Variants in THNSL1 observed in about 807,000 individuals in gnomAD.
THNSL1 encodes threonine synthase like 1, also known as threonine synthase-like 1.
A neutral mutation model predicts 50.4 loss-of-function variants in THNSL1; 48 were observed. The observed-to-expected ratio is 0.95, with a 90% CI of 0.76 to 1.21. The LOEUF (loss-of-function observed/expected upper bound fraction) is 1.21. THNSL1 is among the 50% of genes most tolerant of loss of function. THNSL1 has a pLI of 0.00. For synonymous variants in THNSL1, 309 were observed against 306.1 expected (o/e 1.01, Z -0.10); for missense variants, 896 against 871.7 (o/e 1.03, Z -0.35).
At chr10:24,953,404 G>A in the THNSL1 span, 1 of 152,678 alleles carries the variant, frequency 6.5e-6, no homozygotes. Context: ...AGGAGGGGGA[G>A]AGATTTTTAC....
At chr10:24,994,083 G>T in the THNSL1 span, among the ~76,000 whole-genome samples, 1 of 152,144 alleles carries the variant, frequency 6.6e-6, no homozygotes, top group Non-Finnish European at 1.5e-5. Flanking sequence ...TTCCTGAGAA[G>T]ACAGTGTCCT....
At chr10:24,956,791 T>G in the THNSL1 span, among the ~76,000 whole-genome samples, 1 of 152,182 alleles carries the variant, frequency 6.6e-6, no homozygotes, top group Admixed American at 6.5e-5. Flanking sequence ...GCCTGTGGCC[T>G]GTTAGGAACT....
the THNSL1 span, among the ~76,000 whole-genome samples, chr10:24,953,022 A>G: frequency 6.6e-6 from 1 of 152,032 alleles, no homozygotes; most frequent in East Asian, 1.9e-4. Flanking sequence ...CCTCGGGCTA[A>G]CAATCTCCTT....
chr10:25,006,073 T>G, the THNSL1 span, among the ~76,000 whole-genome samples: 1 of 152,216 alleles, frequency 6.6e-6, no homozygotes, highest in Non-Finnish European at 1.5e-5. Context: ...AAAATTTAAA[T>G]TACATACATG....
chr10:24,991,751 A>G, the THNSL1 span, among the ~76,000 whole-genome samples: 3 of 152,360 alleles, frequency 2.0e-5, no homozygotes, highest in South Asian at 6.2e-4. Context: ...GACTCCTGGG[A>G]TACAGAAAGT....
At chr10:24,952,827 C>T in the THNSL1 span, among the ~76,000 whole-genome samples, 85 of 151,774 alleles carry the variant, frequency 5.6e-4, no homozygotes, top group African/African-American at 2.0e-3. The surrounding 1 kb of genome is among the most constrained non-coding windows in gnomAD (Gnocchi z 5.1). Context: ...CGCTACCGCT[C>T]CCCCTGAGCG....
the THNSL1 span, among the ~76,000 whole-genome samples, chr10:24,973,343 G>T: frequency 2.9e-3 from 437 of 151,952 alleles, 1 homozygote; most frequent in South Asian, 5.0e-3. Context: ...TACTAGATGG[G>T]CAGGGAGTGT....
At chr10:24,961,625 G>A in the THNSL1 span, among the ~76,000 whole-genome samples, 1 of 152,000 alleles carries the variant, frequency 6.6e-6, no homozygotes, top group Non-Finnish European at 1.5e-5. Flanking sequence ...TTTGAGGTTC[G>A]AGGGAAAAGA....
rs1439895273 is a variant in THNSL1, at chr10:25,017,921, G to C, written c.-216+1229G>C. On this transcript the variant is annotated intron_variant, in intron 1 of 2. Transcript: ENST00000376356. ...GAATGATAACGCCATTAGCCAAGTG[G>C]ATAGTCACTGGCTAAAGCTTATGAA... Among the ~76,000 whole-genome samples the C allele has an allele frequency of 2.0e-5, 3 of 152,306 alleles. No individual in the cohort carries two copies. The South Asian group carries it at 6.2e-4, about 32-fold the overall frequency.
At chr10:24,973,073 T>C in the THNSL1 span, among the ~76,000 whole-genome samples, 1 of 152,182 alleles carries the variant, frequency 6.6e-6, no homozygotes, top group South Asian at 2.1e-4. Flanking sequence ...GATAGAACAT[T>C]CATTCTTAGC....
the THNSL1 span, among the ~76,000 whole-genome samples, chr10:24,997,806 T>C: frequency 7.0e-6 from 1 of 143,400 alleles, no homozygotes; most frequent in East Asian, 1.9e-4. Flanking sequence ...ACACAAAGGA[T>C]TTATATATAT....
Position 25,025,207 on chromosome 10 carries a change from A to G in THNSL1, c.1984A>G (p.Ile662Val), listed in dbSNP as rs775583001. Residue 662 changes from isoleucine (I) to valine (V), a missense_variant, in exon 3 of 3, where the codon ATC becomes GTC. Ile to Val is a conservative substitution (Grantham distance 29, BLOSUM62 3). Transcript: ENST00000376356. ...GCAAGACAAAACTTGCCCTGTGATT[A>G]TCTCATCTACAGCCCATTACTCAAA... ...RVQDKTCPVI[I>V]SSTAHYSKFA... 3 of 1,614,230 alleles carry G rather than the reference A, an allele frequency of 1.9e-6. No individual in the cohort carries two copies. The highest frequency in any genetic ancestry group is 1.3e-5 in the African/African-American group (1 of 75,068).
the THNSL1 span, among the ~76,000 whole-genome samples, chr10:24,965,323 C>T: frequency 6.6e-6 from 1 of 152,178 alleles, no homozygotes; most frequent in African/African-American, 2.4e-5. Context: ...TATTCTTCCG[C>T]GTTTCCTCCT....
the THNSL1 span, among the ~76,000 whole-genome samples, chr10:24,957,834 C>T: frequency 1.3e-5 from 2 of 152,310 alleles, no homozygotes; most frequent in Admixed American, 1.3e-4. Flanking sequence ...CATTCTTCCA[C>T]ATGTGGATAT....
upstream of THNSL1, chr10:25,016,180 A>C: frequency 8.5e-7 from 1 of 1,183,156 alleles, no homozygotes; most frequent in Non-Finnish European, 1.0e-6. Flanking sequence ...GGAAACCGTT[A>C]CTAGGCAACG....
chr10:24,992,165 T>C, the THNSL1 span, among the ~76,000 whole-genome samples: 6 of 152,218 alleles, frequency 3.9e-5, no homozygotes, highest in Non-Finnish European at 7.3e-5. Flanking sequence ...AGAATGTACT[T>C]GGTGCTAGGA....
chr10:24,961,275 A>G, the THNSL1 span, among the ~76,000 whole-genome samples: 1 of 152,212 alleles, frequency 6.6e-6, no homozygotes. Flanking sequence ...GTTTTTCCAT[A>G]GTATAATAAA....
chr10:24,999,338 A>G, the THNSL1 span: 1 of 1,486,118 alleles, frequency 6.7e-7, no homozygotes, highest in South Asian at 1.3e-5. Flanking sequence ...ATCAACAATA[A>G]AATAATAGTT....
the THNSL1 span, among the ~76,000 whole-genome samples, chr10:24,953,808 C>A: frequency 6.6e-6 from 1 of 152,194 alleles, no homozygotes; most frequent in South Asian, 2.1e-4. Context: ...AGTTATCAAT[C>A]GGTTAATGAC....
Sources: allele counts gnomAD v4.1 joint callset (sites outside exome capture counted in the v4.1 genomes callset), GRCh38; gene constraint gnomAD v4.1.1; non-coding constraint Gnocchi (gnomAD v3.1); transcripts MANE v1.5; gene names NCBI Gene and HGNC (gene_info 2026-07-23, HGNC 2026-07-21).